GALNT7: variants seen among roughly 807,000 people sequenced by gnomAD.
GALNT7 encodes the protein N-acetylgalactosaminyltransferase 7.
Under a neutral mutation model 82.1 loss-of-function variants are expected in GALNT7, and 60 were observed. The observed-to-expected ratio is 0.73, with a 90% CI of 0.59 to 0.91. The LOEUF is 0.91. GALNT7 is among the 40% of genes least tolerant of loss of function. GALNT7 has a pLI of 0.00. For missense variants in GALNT7, 660 were observed against 804.2 expected (o/e 0.82, Z 2.17); for synonymous variants, 243 against 275.1 (o/e 0.88, Z 1.15).
At chr4:173,218,405 G>T (rs1041814936) in intron 1 of GALNT7, among the ~76,000 whole-genome samples, 7 of 152,060 alleles carry the variant, frequency 4.6e-5, no homozygotes, top group African/African-American at 1.7e-4. Context: ...AAATTTGAGA[G>T]GATTTTTAAA....
chr4:173,221,695 A>G (rs2126690156), intron 1 of GALNT7, among the ~76,000 whole-genome samples: 1 of 152,340 alleles, frequency 6.6e-6, no homozygotes, highest in East Asian at 1.9e-4. Context: ...TAGTTAATGA[A>G]CTATTTTAAC....
At chr4:173,259,387 T>C (rs1216732750) in intron 2 of GALNT7, among the ~76,000 whole-genome samples, 2 of 151,878 alleles carry the variant, frequency 1.3e-5, no homozygotes, top group Non-Finnish European at 2.9e-5. Context: ...TAATCATTCA[T>C]GGATGCATTT....
At chr4:173,264,053 T>C (rs1393856184) in intron 2 of GALNT7, among the ~76,000 whole-genome samples, 1 of 152,180 alleles carries the variant, frequency 6.6e-6, no homozygotes, top group Admixed American at 6.5e-5. Flanking sequence ...AAATAATTGT[T>C]TTAAAGTTAG....
chr4:173,321,906 T>G lies in GALNT7; in HGVS notation c.*189T>G. 2.0e-6 allele frequency: 1 copy of G among 501,458 alleles called. No homozygotes were observed. Among genetic ancestry groups the G allele is most frequent in the Non-Finnish European group, 3.6e-6 (1 of 277,548 alleles). The allele number at this position is 501,458 out of a possible 1,614,324, so 31.1% of individuals were successfully genotyped here. The stretch of plus-strand genomic sequence containing the variant: ...AACATTATCATCTGCAGTTACTGTT[T>G]ACAAGACTGCTTTTACCTTAAACTT... On this transcript the variant is annotated 3_prime_UTR_variant, in exon 12 of 12. Transcript: ENST00000265000.
intron 1 of GALNT7, among the ~76,000 whole-genome samples, chr4:173,173,110 A>G (rs1731928395): frequency 6.6e-6 from 1 of 152,220 alleles, no homozygotes; most frequent in Non-Finnish European, 1.5e-5. Context: ...ATGCAAAGGC[A>G]TCAGGATTTG....
intron 1 of GALNT7, 78 bp from the exon 2 acceptor site, chr4:173,247,902 C>A (rs1030255192): frequency 4.5e-5 from 41 of 904,278 alleles, no homozygotes; most frequent in Non-Finnish European, 5.5e-5. Flanking sequence ...TTTTCAAAAC[C>A]TGAAAATTGG....
intron 1 of GALNT7, among the ~76,000 whole-genome samples, chr4:173,174,505 T>C (rs977425937): frequency 3.3e-5 from 5 of 152,244 alleles, no homozygotes; most frequent in Admixed American, 2.0e-4. Flanking sequence ...TCGGAAATGT[T>C]TGGCGAATTC....
intron 1 of GALNT7, among the ~76,000 whole-genome samples, chr4:173,174,259 T>C (rs1473463215): frequency 6.6e-6 from 1 of 152,212 alleles, no homozygotes; most frequent in Non-Finnish European, 1.5e-5. Flanking sequence ...TGCATACATC[T>C]ACATTTTTTT....
Position 173,292,399 on chromosome 4 carries a change from ACAAG to A in GALNT7, c.754+126_754+129del. ...CATCTATTGATAGCATCTGTTATCA[ACAAG>A]TTGACACTGTGCCAAGCATTGTATG... On this transcript the variant is annotated intron_variant, in intron 3 of 11. Transcript: ENST00000265000. The surrounding 1 kb of genome is among the most constrained non-coding windows in gnomAD (Gnocchi z 4.8). 1 of 598,226 alleles carries A rather than the reference ACAAG, an allele frequency of 1.7e-6. No individual in the cohort carries two copies. The highest frequency in any genetic ancestry group is 2.9e-6 in the Non-Finnish European group (1 of 341,098). 37.1% of individuals were successfully genotyped at this position (598,226 alleles called of 1,614,324 possible).
chr4:173,256,816 T>C (rs1215063338), intron 2 of GALNT7, among the ~76,000 whole-genome samples: 1 of 152,202 alleles, frequency 6.6e-6, no homozygotes, highest in African/African-American at 2.4e-5. Context: ...AGATTAATAA[T>C]TTACATGACA....
intron 1 of GALNT7, among the ~76,000 whole-genome samples, chr4:173,236,952 G>C (rs1286171034): frequency 6.6e-6 from 1 of 152,184 alleles, no homozygotes; most frequent in Non-Finnish European, 1.5e-5. Context: ...ATAAACCAGA[G>C]TATCACTGAA....
chr4:173,288,457 A>G (rs182910438), intron 2 of GALNT7, among the ~76,000 whole-genome samples: 46 of 152,116 alleles, frequency 3.0e-4, no homozygotes, highest in South Asian at 6.2e-4. Flanking sequence ...ACAGCCAGCA[A>G]GACTCCCCAT....
chr4:173,226,403 C>T (rs970426990), intron 1 of GALNT7, among the ~76,000 whole-genome samples: 2 of 152,002 alleles, frequency 1.3e-5, no homozygotes, highest in Admixed American at 6.6e-5. Context: ...AAACATCAGG[C>T]GTTTAGCATC....
chr4:173,193,614 AATC>A (rs1414840910), intron 1 of GALNT7, among the ~76,000 whole-genome samples: 4 of 152,362 alleles, frequency 2.6e-5, no homozygotes, highest in East Asian at 3.9e-4. Context: ...ACAATAAAAT[AATC>A]ATCAACTGTG....
At chr4:173,224,364 C>A (rs1321802220) in intron 1 of GALNT7, among the ~76,000 whole-genome samples, 1 of 152,160 alleles carries the variant, frequency 6.6e-6, no homozygotes, top group Non-Finnish European at 1.5e-5. Context: ...TTTCCTGCCT[C>A]AGACCCCAAA....
At chr4:173,236,663 T>C (rs1468817754) in intron 1 of GALNT7, among the ~76,000 whole-genome samples, 2 of 152,196 alleles carry the variant, frequency 1.3e-5, no homozygotes, top group Admixed American at 1.3e-4. Context: ...TTTTGTGCCT[T>C]TTCCTCATGC....
At chr4:173,214,128 C>T (rs1376525916) in intron 1 of GALNT7, among the ~76,000 whole-genome samples, 1 of 152,114 alleles carries the variant, frequency 6.6e-6, no homozygotes, top group South Asian at 2.1e-4. Context: ...AAATAACACA[C>T]AACCCAGTGT....
chr4:173,295,734 G>T, intron 4 of GALNT7, 30 bp from the exon 5 acceptor site: 4 of 1,413,398 alleles, frequency 2.8e-6, no homozygotes, highest in Non-Finnish European at 4.0e-6. Context: ...TATATGAGGA[G>T]TATTCTTTCA....
intron 1 of GALNT7, among the ~76,000 whole-genome samples, chr4:173,212,463 T>C (rs1733310999): frequency 6.6e-6 from 1 of 152,192 alleles, no homozygotes; most frequent in African/African-American, 2.4e-5. Flanking sequence ...GATGGTTATA[T>C]GACACTCACT....
Sources: gnomAD v4.1 joint callset for allele counts (sites outside exome capture counted in the v4.1 genomes callset) on GRCh38, gnomAD v4.1.1 for gene constraint, Gnocchi (gnomAD v3.1) non-coding constraint, MANE v1.5 for transcripts, NCBI Gene and HGNC (gene_info 2026-07-23, HGNC 2026-07-21) for gene names.